Variants in NHS observed in about 807,000 individuals in gnomAD.
NHS encodes the protein actin remodeling regulator NHS.
Under a neutral mutation model 72.5 loss-of-function variants are expected in NHS, and 5 were observed. That is an observed-to-expected ratio of 0.07 (90% CI 0.04 to 0.14). The LOEUF (loss-of-function observed/expected upper bound fraction) is 0.14, where lower values mean the gene tolerates loss of function less well. Ranked by LOEUF, NHS falls within the 10% of genes least tolerant of loss-of-function variation. The pLI is 1.00. For synonymous variants in NHS, 464 were observed against 547.7 expected (o/e 0.85, Z 2.13); for missense variants, 1,072 against 1,355.7 (o/e 0.79, Z 3.29).
chrX:17,466,759 A>G (rs66479566), intron 1 of NHS, among the ~76,000 whole-genome samples: 12,910 of 111,249 alleles, frequency 0.12, 744 homozygotes, highest in African/African-American at 0.21. Context: ...TGTCCTGGGC[A>G]ATGCACATAT....
rs189397747 is a variant in NHS at position 17,537,069 on chromosome X, C to G, written c.566-150673C>G. The stretch of plus-strand genomic sequence containing the variant: ...TGCCAGATGGAAAGCAAAGCAAAGA[C>G]TCTTGTCATGTCCAAGCAAGACAAA... On this transcript the variant is annotated intron_variant, in intron 1 of 8. Transcript: ENST00000676302. 2.0e-3 allele frequency among the ~76,000 whole-genome samples: 219 copies of G among 112,254 alleles called. 1 individual carries two copies. The highest frequency in any genetic ancestry group is 6.2e-3 in the African/African-American group (191 of 30,923).
intron 3 of NHS, among the ~76,000 whole-genome samples, chrX:17,711,430 A>G (rs1183106588): frequency 8.9e-6 from 1 of 112,484 alleles, no homozygotes; most frequent in Non-Finnish European, 1.9e-5. Flanking sequence ...GTTCCAAAAC[A>G]TAATTGGTTA....
At chrX:17,551,764 G>A (rs780839478) in intron 1 of NHS, among the ~76,000 whole-genome samples, 3 of 111,128 alleles carry the variant, frequency 2.7e-5, no homozygotes, top group East Asian at 2.8e-4. Context: ...GTGCCTGTTC[G>A]TTGCCCTGCC....
At chrX:17,722,461 G>T (rs1489899029) in intron 5 of NHS, among the ~76,000 whole-genome samples, 1 of 111,568 alleles carries the variant, frequency 9.0e-6, no homozygotes, top group Non-Finnish European at 1.9e-5. Context: ...TTTCATATTG[G>T]TACCATGTGA....
chrX:17,724,785 G>A (rs182651211), intron 6 of NHS, among the ~76,000 whole-genome samples: 211 of 112,076 alleles, frequency 1.9e-3, no homozygotes, highest in African/African-American at 6.2e-3. Flanking sequence ...ATACTTTCAT[G>A]TCATTAATTA....
Position 17,725,874 on chromosome X carries a change from G to A in NHS, c.1768G>A (p.Asp590Asn). 1.7e-6 allele frequency: 2 copies of A among 1,211,578 alleles called. No individual in the cohort carries two copies. The highest frequency in any genetic ancestry group is 2.2e-6 in the Non-Finnish European group (2 of 895,493). The change falls in exon 7 of 9, where the codon GAC (aspartate) becomes AAC (asparagine). Residue 590 changes from aspartate (D) to asparagine (N), a missense_variant. Asp to Asn is a conservative substitution (Grantham distance 23). Transcript: ENST00000676302. ...GRSRLSRMAA[D>N]SGSCDISSNS... ...GTCACGTCTGTCCCGAATGGCTGCT[G>A]ACTCTGGCAGCTGTGACATCTCCTC...
chrX:17,414,951 G>A (rs963257987), intron 1 of NHS, among the ~76,000 whole-genome samples: 3 of 111,439 alleles, frequency 2.7e-5, no homozygotes, highest in African/African-American at 9.8e-5. Flanking sequence ...TGGTGAGGCT[G>A]CAGTTCTCTG....
intron 1 of NHS, among the ~76,000 whole-genome samples, chrX:17,473,404 T>C (rs1050106417): frequency 8.9e-6 from 1 of 112,623 alleles, no homozygotes; most frequent in African/African-American, 3.2e-5. Context: ...ACACTAAGGT[T>C]GTGCTGTTCA....
At chrX:17,626,770 G>A (rs747103912) in intron 1 of NHS, among the ~76,000 whole-genome samples, 2 of 111,997 alleles carry the variant, frequency 1.8e-5, no homozygotes, top group Non-Finnish European at 3.8e-5. Flanking sequence ...TAACTCAAAG[G>A]CAGCAAAAAT....
chrX:17,506,258 G>T (rs1173164597), intron 1 of NHS, among the ~76,000 whole-genome samples: 1 of 110,649 alleles, frequency 9.0e-6, no homozygotes, highest in East Asian at 2.9e-4. Flanking sequence ...GCTGGGTGCG[G>T]TGGCTCACGT....
intron 1 of NHS, among the ~76,000 whole-genome samples, chrX:17,504,340 A>G (rs946168314): frequency 1.4e-4 from 16 of 112,099 alleles, no homozygotes; most frequent in African/African-American, 4.5e-4. Flanking sequence ...AAAAAGATAC[A>G]TATCTACCAC....
Position 17,528,776 on chromosome X carries a change from T to A in NHS, c.565+152454T>A, listed in dbSNP as rs556622062. 2.7e-5 allele frequency: 3 copies of A among 112,280 alleles called. No individual in the cohort carries two copies. The South Asian group carries it at 1.1e-3, about 42-fold the overall frequency. The allele number at this position is 112,280 out of a possible 1,213,427, so 9.3% of individuals were successfully genotyped here. Reference sequence around the variant, plus strand: ...CAACCCCTGTGAGTATATGTTATACTGGGAATGCCCCATTTCTCAAATATT... The same window carrying A: ...CAACCCCTGTGAGTATATGTTATACAGGGAATGCCCCATTTCTCAAATATT... On this transcript the variant is annotated intron_variant, in intron 1 of 8. Coordinates refer to ENST00000676302, the MANE Select transcript of NHS (RefSeq NM_001291867.2).
At chrX:17,441,313 C>G (rs766579019) in intron 1 of NHS, among the ~76,000 whole-genome samples, 1 of 111,656 alleles carries the variant, frequency 9.0e-6, no homozygotes, top group Non-Finnish European at 1.9e-5. Context: ...GATGACTTCC[C>G]CAGGTCAGTC....
At chrX:17,556,517 T>C (rs779652157) in intron 1 of NHS, among the ~76,000 whole-genome samples, 208 of 113,217 alleles carry the variant, frequency 1.8e-3, no homozygotes, top group Non-Finnish European at 2.7e-3. Context: ...GTACTCACCA[T>C]GTACCTGGCT....
At chrX:17,600,509 A>G (rs16980650) in intron 1 of NHS, among the ~76,000 whole-genome samples, 7,487 of 112,535 alleles carry the variant, frequency 0.067, 605 homozygotes, top group African/African-American at 0.22. Flanking sequence ...TGGCATGTTT[A>G]TTGAAATAGC....
chrX:17,592,012 G>A (rs1192951840), intron 1 of NHS, among the ~76,000 whole-genome samples: 1 of 87,794 alleles, frequency 1.1e-5, no homozygotes, highest in Non-Finnish European at 2.0e-5. Flanking sequence ...GTCCACTGAT[G>A]TGTGTGTGTG....
At chrX:17,441,519 A>G (rs2064753864) in intron 1 of NHS, among the ~76,000 whole-genome samples, 1 of 111,836 alleles carries the variant, frequency 8.9e-6, no homozygotes, top group African/African-American at 3.3e-5. Flanking sequence ...TTGAGTAGTC[A>G]TCTAATATTT....
chrX:17,692,422 C>T lies in NHS; in HGVS notation c.806C>T (p.Ala269Val), dbSNP rs770296953. ...CCTCCACTGCCAGCCTACCCTCCAG[C>T]TCACAGCCAGAGGAGGCGTGAGTTT... ...AAPPLPAYPPAHSQRRREFKD... is the reference protein window; with the variant it reads ...AAPPLPAYPPVHSQRRREFKD... Residue 269 changes from alanine (A) to valine (V), a missense_variant, in exon 3 of 9, where the codon GCT becomes GTT. Physicochemically the swap from Ala to Val is moderately conservative, Grantham distance 64. Coordinates refer to ENST00000676302, the MANE Select transcript of NHS (RefSeq NM_001291867.2). The T allele has an allele frequency of 8.3e-7, 1 of 1,210,834 alleles. No individual in the cohort carries two copies.
At position 17,719,334 on chromosome X, in the gene NHS, A is replaced by T; in HGVS notation, c.853-10A>T. 3 of 1,165,770 alleles carry T rather than the reference A, an allele frequency of 2.6e-6. No homozygotes were observed. The highest frequency in any genetic ancestry group is 3.4e-6 in the Non-Finnish European group (3 of 871,855). ...TTAATTTTTTCTTTTTTTGCATTTC[A>T]TGTTCATAGTTTAACAGCACCCGTT... On this transcript the variant is annotated splice_polypyrimidine_tract_variant and intron_variant, in intron 3 of 8. Coordinates refer to ENST00000676302, the MANE Select transcript of NHS (RefSeq NM_001291867.2).
Sources: gnomAD v4.1 joint callset for allele counts (sites outside exome capture counted in the v4.1 genomes callset) on GRCh38, gnomAD v4.1.1 for gene constraint, MANE v1.5 for transcripts, NCBI Gene and HGNC (gene_info 2026-07-23, HGNC 2026-07-21) for gene names.